The following DNAAF4 variants were observed in gnomAD, a reference collection of about 807,000 sequenced individuals.
The protein encoded by DNAAF4 is dynein assembly factor 4, axonemal.
A neutral mutation model predicts 51.8 loss-of-function variants in DNAAF4; 43 were observed. The ratio of observed to expected loss-of-function variants is 0.83; its 90% CI spans 0.65 to 1.07. The LOEUF is 1.07. DNAAF4 is among the 50% of genes least tolerant of loss of function. The pLI is 0.00. For synonymous variants in DNAAF4, 194 were observed against 165.6 expected, an observed-to-expected ratio of 1.17 and a Z score of -1.32; for missense variants, 581 against 493.0, an observed-to-expected ratio of 1.18 and a Z score of -1.69.
chr15:55,438,585 C>T (rs939001284), intron 7 of DNAAF4, among the ~76,000 whole-genome samples: 16 of 151,870 alleles, frequency 1.1e-4, no homozygotes, highest in African/African-American at 3.9e-4. Flanking sequence ...AGTTCAAGAC[C>T]AGCTTGACCA....
chr15:55,444,031 G>A (rs2057757452), intron 6 of DNAAF4, among the ~76,000 whole-genome samples: 1 of 152,168 alleles, frequency 6.6e-6, no homozygotes, highest in South Asian at 2.1e-4. Flanking sequence ...TTGCTGTGCA[G>A]AGGCTCTTTA....
intron 1 of DNAAF4, among the ~76,000 whole-genome samples, chr15:55,501,558 G>C (rs1442960276): frequency 1.0e-4 from 15 of 148,932 alleles, no homozygotes; most frequent in Admixed American, 6.0e-4. Context: ...TGCATTTTTA[G>C]TAGAGACGGG....
intron 4 of DNAAF4, among the ~76,000 whole-genome samples, chr15:55,471,776 G>C (rs1345360165): frequency 6.6e-6 from 1 of 152,136 alleles, no homozygotes; most frequent in East Asian, 1.9e-4. Context: ...GCCTCCCAAA[G>C]TGCTGGGATT....
intron 4 of DNAAF4, among the ~76,000 whole-genome samples, chr15:55,479,699 A>G (rs1039344053): frequency 2.0e-5 from 3 of 152,070 alleles, no homozygotes; most frequent in African/African-American, 7.2e-5. Flanking sequence ...TAATATTAAT[A>G]CCCTGGGAAA....
rs927273430 is a variant in DNAAF4, at chr15:55,497,849, G to C, written c.134C>G (p.Pro45Arg). The C allele has an allele frequency of 2.5e-6, 4 of 1,610,570 alleles. No homozygotes were observed. In the African/African-American group the frequency reaches 4.0e-5, roughly 16 times the overall value. The change falls in exon 3 of 10, where the codon CCT becomes CGT. Residue 45 changes from proline to arginine, a missense_variant. Physicochemically the swap from Pro to Arg is moderately radical, Grantham distance 103 (BLOSUM62 -2). Transcript: ENST00000321149. ...AAGAAATGCCTCAAATAAAAATGGAGGAAAGTTGACCTATGCAGAAGGGTG... is the reference window on the plus strand; with the variant it reads ...AAGAAATGCCTCAAATAAAAATGGACGAAAGTTGACCTATGCAGAAGGGTG... The part of the protein sequence containing the change: ...CTENYLKVNF[P>R]PFLFEAFLYA...
At chr15:55,492,433 T>C (rs550766128) in intron 3 of DNAAF4, among the ~76,000 whole-genome samples, 3 of 152,286 alleles carry the variant, frequency 2.0e-5, no homozygotes, top group Non-Finnish European at 4.4e-5. Context: ...TAGTGAATCC[T>C]TATAAATCCT....
chr15:55,423,821 T>A (rs2057407913), intron 7 of DNAAF4, among the ~76,000 whole-genome samples: 1 of 152,010 alleles, frequency 6.6e-6, no homozygotes, highest in Non-Finnish European at 1.5e-5. Context: ...AGGCACAGTG[T>A]CTCACACCTG....
At position 55,432,548 on chromosome 15, in the gene DNAAF4, C is replaced by T. The variant is rs771845064; in HGVS notation, c.1102G>A (p.Ala368Thr). The T allele has an allele frequency of 6.2e-7, 1 of 1,612,790 alleles. No individual in the cohort carries two copies. Among genetic ancestry groups the T allele is most frequent in the South Asian group, 1.1e-5 (1 of 90,914 alleles). The change falls in exon 9 of 10, where the codon GCA becomes ACA. Residue 368 changes from alanine (A) to threonine (T), a missense_variant. Transcript: ENST00000321149. ...VTDNANARMK[A>T]HVRRGTAFCQ... ...AATGCTGTTCCACGTCGTACATGTG[C>T]CTTCATTCTTGCATTAGCATTGTCT...
rs57692277 is a variant in DNAAF4, at chr15:55,452,244, T to TAAAAAAAAAAAAAAAA, written c.638-1893_638-1878dup. On this transcript the variant is annotated intron_variant, in intron 5 of 9. Transcript: ENST00000321149. The stretch of plus-strand genomic sequence containing the variant: ...GCCTGGACAACAGAGCATGTCTCAC[T>TAAAAAAAAAAAAAAAA]AAAAAAAAAAAAAAAAAAAAAAAAA... Among the ~76,000 whole-genome samples the TAAAAAAAAAAAAAAAA allele has an allele frequency of 1.1e-4, 6 of 53,592 alleles. 1 individual carries two copies. Among genetic ancestry groups the TAAAAAAAAAAAAAAAA allele is most frequent in the Non-Finnish European group, 1.2e-4 (4 of 33,010 alleles). The allele number at this position is 53,592 out of a possible 152,430, so 35.2% of individuals were successfully genotyped here.
intron 6 of DNAAF4, chr15:55,442,981 A>G: frequency 1.9e-6 from 3 of 1,611,454 alleles, no homozygotes; most frequent in Non-Finnish European, 2.5e-6. Context: ...ATTGTAGAAC[A>G]TCACGTATTC....
At chr15:55,453,749 A>T (rs2057974040) in intron 5 of DNAAF4, among the ~76,000 whole-genome samples, 1 of 151,636 alleles carries the variant, frequency 6.6e-6, no homozygotes, top group African/African-American at 2.4e-5. Flanking sequence ...ACGGGGTTTC[A>T]CCGGGTTAGC....
intron 6 of DNAAF4, chr15:55,443,302 G>A (rs2057743932): frequency 7.2e-7 from 1 of 1,395,046 alleles, no homozygotes; most frequent in Non-Finnish European, 9.9e-7. Context: ...GCCTACCGGT[G>A]GCGGCTGGCA....
chr15:55,491,326 A>G, intron 3 of DNAAF4, 70 bp from the exon 4 acceptor site: 2 of 1,472,310 alleles, frequency 1.4e-6, no homozygotes, highest in Non-Finnish European at 1.8e-6. Context: ...AAACTACTTA[A>G]ATAAACTGAC....
chr15:55,502,261 G>C (rs2058703587), intron 1 of DNAAF4, among the ~76,000 whole-genome samples: 1 of 152,136 alleles, frequency 6.6e-6, no homozygotes. Flanking sequence ...CATAGTATGA[G>C]TGTTTTCAGA....
chr15:55,434,303 A>T (rs2057573086), intron 8 of DNAAF4, among the ~76,000 whole-genome samples: 2 of 151,298 alleles, frequency 1.3e-5, no homozygotes, highest in Non-Finnish European at 2.9e-5. Context: ...TCAAAGAAAA[A>T]CTGGATCATA....
intron 6 of DNAAF4, among the ~76,000 whole-genome samples, chr15:55,449,590 G>C (rs1029285901): frequency 6.6e-5 from 10 of 150,942 alleles, no homozygotes; most frequent in African/African-American, 2.4e-4. Context: ...TTTGAACCTG[G>C]GAGGAGGAGG....
chr15:55,465,225 C>A (rs776526973), intron 5 of DNAAF4, among the ~76,000 whole-genome samples: 1 of 152,016 alleles, frequency 6.6e-6, no homozygotes, highest in African/African-American at 2.4e-5. Context: ...AAAGTAGAAC[C>A]GCCATTTGAT....
At chr15:55,487,593 G>A (rs997721915) in intron 4 of DNAAF4, among the ~76,000 whole-genome samples, 1 of 152,098 alleles carries the variant, frequency 6.6e-6, no homozygotes, top group African/African-American at 2.4e-5. Context: ...TTTAAGAGCT[G>A]TAACAGTCAC....
At chr15:55,434,603 C>T (rs1032335962) in intron 8 of DNAAF4, among the ~76,000 whole-genome samples, 2 of 151,976 alleles carry the variant, frequency 1.3e-5, no homozygotes, top group South Asian at 2.1e-4. Flanking sequence ...GAGGCAGAGG[C>T]GGGAGGATAG....
Sources: allele counts gnomAD v4.1 joint callset (sites outside exome capture counted in the v4.1 genomes callset), GRCh38; gene constraint gnomAD v4.1.1; transcripts MANE v1.5; gene names NCBI Gene and HGNC (gene_info 2026-07-23, HGNC 2026-07-21).